PKNOX2: variants seen among roughly 807,000 people sequenced by gnomAD.
The protein encoded by PKNOX2 is homeobox protein PKNOX2.
PKNOX2 carries 14 observed loss-of-function variants against 53.1 expected under a neutral mutation model. That is an observed-to-expected ratio of 0.26 (90% CI 0.17 to 0.41). PKNOX2 has a LOEUF of 0.41. PKNOX2 is among the 10% of genes least tolerant of loss of function. The pLI, the probability that PKNOX2 is intolerant of heterozygous loss-of-function variation, is 1.00. For missense variants in PKNOX2, 496 were observed against 602.8 expected (o/e 0.82, Z 1.85); for synonymous variants, 257 against 242.8 (o/e 1.06, Z -0.54).
intron 2 of PKNOX2, among the ~76,000 whole-genome samples, chr11:125,295,180 T>C (rs1947567279): frequency 6.6e-6 from 1 of 152,116 alleles, no homozygotes; most frequent in South Asian, 2.1e-4. Flanking sequence ...AAGATGAATC[T>C]AAGGCTTGGA....
In PKNOX2 at chr11:125,273,554, C is replaced by T. The variant is rs536918356; in HGVS notation, c.-130+38439C>T. On this transcript the variant is annotated intron_variant, in intron 2 of 12. Transcript: ENST00000298282. ...ATGGAGAGACTTTTTGGGGAAAATG[C>T]CTTGTGGTTTTGTGAGTTCTATGGT... Among the ~76,000 whole-genome samples, 8 of 152,178 alleles carry T rather than the reference C, an allele frequency of 5.3e-5. No homozygotes were observed. In the South Asian group the frequency reaches 1.5e-3, roughly 28 times the overall value.
chr11:125,263,589 C>T (rs1254692574), intron 2 of PKNOX2, among the ~76,000 whole-genome samples: 2 of 152,226 alleles, frequency 1.3e-5, no homozygotes, highest in African/African-American at 2.4e-5. Context: ...GGGTTCTGGA[C>T]TTAGCTCAGC....
intron 2 of PKNOX2, among the ~76,000 whole-genome samples, chr11:125,308,498 T>C (rs774602736): frequency 6.6e-5 from 10 of 152,190 alleles, no homozygotes; most frequent in Non-Finnish European, 1.3e-4. Flanking sequence ...ATGGCCACCA[T>C]GATCTCTCCC....
chr11:125,354,254 G>T (rs1591539431), intron 4 of PKNOX2, among the ~76,000 whole-genome samples: 2 of 152,142 alleles, frequency 1.3e-5, no homozygotes, highest in Non-Finnish European at 2.9e-5. Context: ...ACATGTTCAG[G>T]GAAGCAGGAC....
rs1477833491 is a variant in PKNOX2 at position 125,431,609 on chromosome 11, G to A, written c.*217G>A. The A allele has an allele frequency of 6.8e-6, 4 of 587,124 alleles. No individual in the cohort carries two copies. The highest frequency in any genetic ancestry group is 1.2e-5 in the Non-Finnish European group (4 of 335,200). 36.4% of individuals were successfully genotyped at this position (587,124 alleles called of 1,614,324 possible). A position where few individuals can be genotyped will look rare whatever the true frequency, so the allele number is the denominator to read the frequency against. On this transcript the variant is annotated 3_prime_UTR_variant, in exon 13 of 13. Transcript: ENST00000298282. ...CCAGCCCCACTTCCCTGGAACTGCC[G>A]AGGACTCTGTTTGGCGGGGCCAGTC...
In PKNOX2 at chr11:125,306,742, G is replaced by C. The variant is rs188325383; in HGVS notation, c.-129-25077G>C. 2.0e-5 allele frequency among the ~76,000 whole-genome samples: 3 copies of C among 152,346 alleles called. No homozygotes were observed. The East Asian group carries it at 5.8e-4, about 29-fold the overall frequency. ...TTGAAAATGCAGACTCTGGACCCTA[G>C]AGACCCCGGCACAGCCGTGGAGGGG... On this transcript the variant is annotated intron_variant, in intron 2 of 12. Coordinates refer to ENST00000298282, the MANE Select transcript of PKNOX2 (RefSeq NM_001382323.2).
At chr11:125,311,885 G>A (rs1948829849) in intron 2 of PKNOX2, among the ~76,000 whole-genome samples, 2 of 152,152 alleles carry the variant, frequency 1.3e-5, no homozygotes, top group African/African-American at 2.4e-5. Flanking sequence ...CCAGTGAATT[G>A]AATACTGAGC....
chr11:125,271,900 CG>C (rs1381551779), intron 2 of PKNOX2, among the ~76,000 whole-genome samples: 2 of 152,308 alleles, frequency 1.3e-5, no homozygotes, highest in East Asian at 3.9e-4. Context: ...TGCCCACCCC[CG>C]TGACAGATGC....
intron 1 of PKNOX2, among the ~76,000 whole-genome samples, chr11:125,213,485 C>G (rs1940115749): frequency 1.3e-5 from 2 of 152,088 alleles, no homozygotes; most frequent in Non-Finnish European, 2.9e-5. Flanking sequence ...GAGACAGGAT[C>G]TCTCACTCTG....
chr11:125,299,338 G>C (rs1355917422), intron 2 of PKNOX2, among the ~76,000 whole-genome samples: 3 of 152,104 alleles, frequency 2.0e-5, no homozygotes, highest in Admixed American at 6.6e-5. Context: ...ATCCAAACTA[G>C]GTCACACTCT....
In PKNOX2 at chr11:125,374,954, G is replaced by A. The variant is rs575598409; in HGVS notation, c.227+6969G>A. 2.0e-5 allele frequency among the ~76,000 whole-genome samples: 3 copies of A among 148,834 alleles called. No individual in the cohort carries two copies. The South Asian group carries it at 6.5e-4, about 32-fold the overall frequency. On this transcript the variant is annotated intron_variant, in intron 5 of 12. Transcript: ENST00000298282. ...ATGACATGGGGTGGGGTGGGGTGGG[G>A]TGGGAGGAGAACAGAAAGCTGGGGC...
intron 1 of PKNOX2, among the ~76,000 whole-genome samples, chr11:125,185,572 A>G (rs559673628): frequency 1.3e-5 from 2 of 152,182 alleles, no homozygotes; most frequent in South Asian, 4.2e-4. Flanking sequence ...ATTTGACTAT[A>G]TTATATATGC....
chr11:125,267,533 G>A (rs1317093386), intron 2 of PKNOX2, among the ~76,000 whole-genome samples: 3 of 152,210 alleles, frequency 2.0e-5, no homozygotes, highest in Non-Finnish European at 2.9e-5. Flanking sequence ...CTTAAGCTGG[G>A]GTGCTTTCTA....
intron 7 of PKNOX2, among the ~76,000 whole-genome samples, chr11:125,407,123 T>C (rs903643922): frequency 1.3e-5 from 2 of 152,214 alleles, no homozygotes; most frequent in South Asian, 4.1e-4. Flanking sequence ...ATTTTATTCC[T>C]TCACTGATAG....
intron 1 of PKNOX2, among the ~76,000 whole-genome samples, chr11:125,205,482 T>C (rs1283778874): frequency 6.6e-6 from 1 of 152,264 alleles, no homozygotes; most frequent in African/African-American, 2.4e-5. Context: ...GTGGCCTCTG[T>C]TTCTGAATTC....
intron 4 of PKNOX2, among the ~76,000 whole-genome samples, chr11:125,367,211 G>T (rs557513820): frequency 6.6e-6 from 1 of 152,032 alleles, no homozygotes. Flanking sequence ...CAAAATTGTC[G>T]GCCTCGGGAC....
In PKNOX2 at chr11:125,418,908, T is replaced by C. The variant is rs571213226; in HGVS notation, c.936+7043T>C. Among the ~76,000 whole-genome samples the C allele has an allele frequency of 2.8e-4, 42 of 152,162 alleles. 2 individuals are homozygous for C. The highest frequency in any genetic ancestry group is 9.9e-4 in the African/African-American group (41 of 41,388). On this transcript the variant is annotated intron_variant, in intron 10 of 12. Coordinates refer to ENST00000298282, the MANE Select transcript of PKNOX2 (RefSeq NM_001382323.2). ...ATTACTGTAAGTAATCTGGAAATGT[T>C]TTAAAATGTACGGGAGGATGTTTGT...
intron 2 of PKNOX2, among the ~76,000 whole-genome samples, chr11:125,257,982 C>T (rs1268659597): frequency 6.6e-6 from 1 of 152,136 alleles, no homozygotes; most frequent in African/African-American, 2.4e-5. Flanking sequence ...CCTCAGGGCA[C>T]CTGAGCTTGC....
At chr11:125,409,989 C>CTTTTTG (rs1955402740) in intron 7 of PKNOX2, 1 of 618,090 alleles carries the variant, frequency 1.6e-6, no homozygotes, top group African/African-American at 1.9e-5. Context: ...ATGGGTGACT[C>CTTTTTG]TTTTTGTTTT....
Sources: allele counts gnomAD v4.1 joint callset (sites outside exome capture counted in the v4.1 genomes callset), GRCh38; gene constraint gnomAD v4.1.1; transcripts MANE v1.5; gene names NCBI Gene and HGNC (gene_info 2026-07-23, HGNC 2026-07-21).